DAB1: variants seen among roughly 807,000 people sequenced by gnomAD.
DAB1 encodes the protein DAB adaptor protein 1, also known as disabled homolog 1.
A neutral mutation model predicts 64.6 loss-of-function variants in DAB1; 15 were observed. The observed-to-expected ratio is 0.23, with a 90% CI of 0.16 to 0.36. DAB1 has a LOEUF of 0.36. DAB1 is among the 10% of genes least tolerant of loss of function. The probability of loss-of-function intolerance (pLI) is 1.00; values close to 1 mark genes in which losing one functional copy is unlikely to be tolerated. For missense variants in DAB1, 596 were observed against 706.7 expected (o/e 0.84, Z 1.78); for synonymous variants, 235 against 251.9 (o/e 0.93, Z 0.64).
intron 3 of DAB1, among the ~76,000 whole-genome samples, chr1:58,464,791 G>T (rs968897872): frequency 6.6e-6 from 1 of 152,172 alleles, no homozygotes; most frequent in Non-Finnish European, 1.5e-5. Flanking sequence ...ACAGGGTGAT[G>T]GGCAAGGCTA....
At chr1:57,480,745 A>G (rs1291603389) in intron 7 of DAB1, among the ~76,000 whole-genome samples, 1 of 152,154 alleles carries the variant, frequency 6.6e-6, no homozygotes, top group African/African-American at 2.4e-5. Context: ...TTGGCTTCAC[A>G]AAGTGTTGCG....
intron 6 of DAB1, among the ~76,000 whole-genome samples, chr1:57,777,261 C>T (rs1164090645): frequency 7.1e-6 from 1 of 141,140 alleles, no homozygotes; most frequent in Non-Finnish European, 1.5e-5. Context: ...CATTTGTATT[C>T]AGAAATCTAA....
At chr1:58,511,185 G>T (rs957694707) in intron 2 of DAB1, among the ~76,000 whole-genome samples, 3 of 152,148 alleles carry the variant, frequency 2.0e-5, no homozygotes, top group Non-Finnish European at 4.4e-5. Flanking sequence ...TCTTGAAAAA[G>T]AGTAAGACTA....
chr1:57,704,667 C>A (rs78570168), intron 6 of DAB1, among the ~76,000 whole-genome samples: 1,743 of 152,104 alleles, frequency 0.011, 25 homozygotes, highest in South Asian at 0.064. Context: ...GTAGAAGAGC[C>A]AACTCCAGAA....
chr1:57,145,315 C>T lies in DAB1; in HGVS notation c.182G>A (p.Cys61Tyr), dbSNP rs1160502425. Residue 61 changes from cysteine (C) to tyrosine (Y), a missense_variant, in exon 3 of 15, where the codon TGT becomes TAT. By Grantham distance (194) the Cys-to-Tyr change is radical (BLOSUM62 -2). Transcript: ENST00000371236. ...EVSAARGDKL[C>Y]QDSMMKLKGV... ...CTTGAGTTTCATCATGGAATCTTGA[C>T]ATAACTTGTCTCCCCGAGCTGCGGA... 6.2e-7 allele frequency: 1 copy of T among 1,613,996 alleles called. No homozygotes were observed. The highest frequency in any genetic ancestry group is 1.7e-5 in the Admixed American group (1 of 60,004).
At chr1:58,318,092 G>C (rs1662599152) in intron 4 of DAB1, among the ~76,000 whole-genome samples, 1 of 152,184 alleles carries the variant, frequency 6.6e-6, no homozygotes, top group Non-Finnish European at 1.5e-5. Flanking sequence ...CAATTCAAGT[G>C]ACCATATGGC....
chr1:58,506,459 A>G (rs17117598), intron 2 of DAB1, among the ~76,000 whole-genome samples: 3,489 of 152,176 alleles, frequency 0.023, 121 homozygotes, highest in African/African-American at 0.079. Flanking sequence ...GTCATTTTCT[A>G]TCATCACTTT....
chr1:57,464,227 C>G (rs1322270339), intron 7 of DAB1, among the ~76,000 whole-genome samples: 1 of 152,098 alleles, frequency 6.6e-6, no homozygotes, highest in Non-Finnish European at 1.5e-5. Context: ...AATTATGCCA[C>G]TCACCCAAAG....
chr1:57,033,675 T>C, intron 9 of DAB1: 1 of 1,174,090 alleles, frequency 8.5e-7, no homozygotes, highest in Non-Finnish European at 1.2e-6. Flanking sequence ...CACACTTCCG[T>C]GGTCTCAGTA....
At chr1:57,725,865 C>T (rs566917400) in intron 6 of DAB1, among the ~76,000 whole-genome samples, 1 of 152,196 alleles carries the variant, frequency 6.6e-6, no homozygotes, top group South Asian at 2.1e-4. Flanking sequence ...AATTCTCCTG[C>T]CTCAGGCTTC....
At chr1:57,483,010 TA>T (rs2101246915) in intron 7 of DAB1, among the ~76,000 whole-genome samples, 1 of 152,266 alleles carries the variant, frequency 6.6e-6, no homozygotes, top group Non-Finnish European at 1.5e-5. Flanking sequence ...CATGAAATAT[TA>T]GACACAATGT....
At position 57,986,632 on chromosome 1, in the gene DAB1, A is replaced by G. The variant is rs756877489; in HGVS notation, n.388-102470T>C. On this transcript the variant is annotated intron_variant and non_coding_transcript_variant, in intron 5 of 20. Coordinates refer to the DAB1 transcript ENST00000485760. ...GCTTTACCTTCTCATCTAACATTAA[A>G]TGAGAAACCGCAATTCAGGAAGTCC... Among the ~76,000 whole-genome samples, 30 of 152,282 alleles carry G rather than the reference A, an allele frequency of 2.0e-4. 1 individual carries two copies. Among genetic ancestry groups the G allele is most frequent in the Admixed American group, 1.8e-3 (27 of 15,296 alleles).
At chr1:57,976,455 C>A (rs1003450752) in intron 5 of DAB1, among the ~76,000 whole-genome samples, 13 of 152,126 alleles carry the variant, frequency 8.5e-5, no homozygotes, top group Non-Finnish European at 1.2e-4. Context: ...TGACACCAAG[C>A]CTGTTTTTAT....
At chr1:57,178,053 G>C (rs544943004) in intron 2 of DAB1, among the ~76,000 whole-genome samples, 51 of 152,248 alleles carry the variant, frequency 3.3e-4, no homozygotes, top group Non-Finnish European at 4.0e-4. Flanking sequence ...CAGTATTACA[G>C]GGGCAGATAT....
At chr1:57,173,130 C>T (rs1661955018) in intron 2 of DAB1, among the ~76,000 whole-genome samples, 2 of 152,064 alleles carry the variant, frequency 1.3e-5, no homozygotes, top group African/African-American at 4.8e-5. Context: ...GGTGCCACAC[C>T]CTGGGTACCA....
chr1:57,339,696 A>C (rs1304753741), intron 1 of DAB1, among the ~76,000 whole-genome samples: 2 of 152,204 alleles, frequency 1.3e-5, no homozygotes, highest in Admixed American at 1.3e-4. Context: ...TATTTGCTGA[A>C]CACACACTAT....
At chr1:58,172,078 T>A (rs575519316) in intron 4 of DAB1, among the ~76,000 whole-genome samples, 10 of 152,260 alleles carry the variant, frequency 6.6e-5, no homozygotes, top group Admixed American at 5.9e-4. Flanking sequence ...GGCCCCTTTA[T>A]ACTCTAATCA....
At chr1:58,291,039 T>C (rs1300788206) in intron 4 of DAB1, among the ~76,000 whole-genome samples, 2 of 152,198 alleles carry the variant, frequency 1.3e-5, no homozygotes, top group Admixed American at 1.3e-4. Context: ...CCATCACCAC[T>C]GCTCTCTTGA....
chr1:57,109,148 G>C (rs563752788), intron 4 of DAB1, among the ~76,000 whole-genome samples: 19 of 152,254 alleles, frequency 1.2e-4, no homozygotes, highest in Non-Finnish European at 1.8e-4. Context: ...TTCTCCCACT[G>C]CTTCTAGGGG....
Sources: gnomAD v4.1 joint callset for allele counts (sites outside exome capture counted in the v4.1 genomes callset) on GRCh38, gnomAD v4.1.1 for gene constraint, MANE v1.5 for transcripts, NCBI Gene and HGNC (gene_info 2026-07-23, HGNC 2026-07-21) for gene names.